Variants in GPC6 observed in about 807,000 individuals in gnomAD.
The protein encoded by GPC6 is glypican 6.
GPC6 carries 14 observed loss-of-function variants against 55.2 expected under a neutral mutation model. The observed-to-expected ratio is 0.25, with a 90% confidence interval of 0.17 to 0.40. The LOEUF is 0.40. Among genes scored for constraint, GPC6 ranks in the 10% least tolerant of loss-of-function variants. The pLI, the probability that GPC6 is intolerant of heterozygous loss-of-function variation, is 1.00. For missense variants in GPC6, 641 were observed against 708.5 expected (o/e 0.90, Z 1.08); for synonymous variants, 278 against 259.6 (o/e 1.07, Z -0.68).
At chr13:94,082,167 C>CA (rs1885124381) in intron 4 of GPC6, among the ~76,000 whole-genome samples, 1 of 151,934 alleles carries the variant, frequency 6.6e-6, no homozygotes, top group African/African-American at 2.4e-5. Flanking sequence ...AATTCTCTTA[C>CA]AAAAAAAGAT....
At chr13:93,355,682 T>C (rs1304804105) in intron 1 of GPC6, among the ~76,000 whole-genome samples, 1 of 152,300 alleles carries the variant, frequency 6.6e-6, no homozygotes, top group South Asian at 2.1e-4. Flanking sequence ...ACTAGAACTA[T>C]GCTGTAAGAA....
At chr13:93,694,703 T>G (rs1422854417) in intron 2 of GPC6, among the ~76,000 whole-genome samples, 2 of 152,150 alleles carry the variant, frequency 1.3e-5, no homozygotes, top group African/African-American at 4.8e-5. Context: ...ACAACTTTAT[T>G]GAAAACAAGG....
At chr13:93,789,723 A>G (rs1450781431) in intron 2 of GPC6, among the ~76,000 whole-genome samples, 1 of 147,372 alleles carries the variant, frequency 6.8e-6, no homozygotes, top group Non-Finnish European at 1.5e-5. Context: ...ATGGGCTTCA[A>G]ATGAAGTGGA....
At chr13:94,015,471 T>C (rs1329831850) in intron 3 of GPC6, among the ~76,000 whole-genome samples, 1 of 152,182 alleles carries the variant, frequency 6.6e-6, no homozygotes, top group African/African-American at 2.4e-5. Context: ...CTATTGGTTA[T>C]CATGTTACTT....
intron 3 of GPC6, among the ~76,000 whole-genome samples, chr13:93,973,124 G>A (rs1372886019): frequency 3.9e-5 from 6 of 152,114 alleles, no homozygotes; most frequent in African/African-American, 7.2e-5. Context: ...TGTAAACATC[G>A]TAGAGTGTAT....
In GPC6 at chr13:93,227,350, C is replaced by T. The variant is rs1875825826; in HGVS notation, c.-107C>T. The T allele has an allele frequency of 1.8e-6, 2 of 1,112,260 alleles. No individual in the cohort carries two copies. Among genetic ancestry groups the T allele is most frequent in the Non-Finnish European group, 2.6e-6 (2 of 760,888 alleles). The allele number at this position is 1,112,260 out of a possible 1,614,324, so 68.9% of individuals were successfully genotyped here. A position where few individuals can be genotyped will look rare whatever the true frequency, so the allele number is the denominator to read the frequency against. ...GCTGGCAGAAGGGGGTGACGCTGGG[C>T]AGCGGCGAGGAGCGCGCCGCTGCCT... On this transcript the variant is annotated 5_prime_UTR_variant, in exon 1 of 9. Coordinates refer to ENST00000377047, the MANE Select transcript of GPC6 (RefSeq NM_005708.5). This position sits in a 1 kb window ranked among gnomAD's most constrained non-coding sequence, Gnocchi z 4.3.
intron 2 of GPC6, among the ~76,000 whole-genome samples, chr13:93,779,909 A>T (rs865898003): frequency 6.6e-6 from 1 of 152,186 alleles, no homozygotes; most frequent in Non-Finnish European, 1.5e-5. Context: ...ACCCCCTGGG[A>T]CTGGAAGATG....
In GPC6 at chr13:93,360,997, C is replaced by G. The variant is rs143952235; in HGVS notation, c.160+133381C>G. Among the ~76,000 whole-genome samples the G allele has an allele frequency of 5.9e-3, 902 of 152,184 alleles. 14 individuals are homozygous for G. Among genetic ancestry groups the G allele is most frequent in the African/African-American group, 0.02 (843 of 41,522 alleles). On this transcript the variant is annotated intron_variant, in intron 1 of 8. Coordinates refer to ENST00000377047, the MANE Select transcript of GPC6 (RefSeq NM_005708.5). The stretch of plus-strand genomic sequence containing the variant: ...TGATTCTGTCCTCTGGAATCTTACT[C>G]GCTTTTTTTGTTTTTCAAATCTGCA...
rs192877474 is a variant in GPC6 at position 93,827,663 on chromosome 13, C to T, written c.320-2491C>T. ...TGAAGTTAATAGAAAACTTTTGAGA[C>T]AATGGCATACTCTTAGACAACAATG... On this transcript the variant is annotated intron_variant, in intron 2 of 8. Coordinates refer to ENST00000377047, the MANE Select transcript of GPC6 (RefSeq NM_005708.5). Among the ~76,000 whole-genome samples, 14 of 152,198 alleles carry T rather than the reference C, an allele frequency of 9.2e-5. No individual in the cohort carries two copies. In the East Asian group the frequency reaches 1.9e-3, roughly 21 times the overall value.
At chr13:93,714,231 A>T (rs895325288) in intron 2 of GPC6, among the ~76,000 whole-genome samples, 1 of 152,034 alleles carries the variant, frequency 6.6e-6, no homozygotes, top group Admixed American at 6.6e-5. Flanking sequence ...GAACTTAAAC[A>T]ATTGAGCAAA....
intron 1 of GPC6, among the ~76,000 whole-genome samples, chr13:93,332,870 T>A (rs189875984): frequency 6.6e-6 from 1 of 152,322 alleles, no homozygotes; most frequent in Admixed American, 6.5e-5. Context: ...CATTTTGGTT[T>A]GATTTTTGTA....
intron 1 of GPC6, among the ~76,000 whole-genome samples, chr13:93,532,333 A>G (rs965591632): frequency 2.0e-5 from 3 of 151,918 alleles, no homozygotes; most frequent in Non-Finnish European, 4.4e-5. Flanking sequence ...GTGTAATGTG[A>G]GTGTGTGTGT....
At chr13:93,541,943 G>A (rs150214837) in intron 1 of GPC6, among the ~76,000 whole-genome samples, 2,001 of 152,088 alleles carry the variant, frequency 0.013, 37 homozygotes, top group African/African-American at 0.04. Flanking sequence ...AGATGAGTAG[G>A]TTGCGAAAAT....
intron 2 of GPC6, among the ~76,000 whole-genome samples, chr13:93,667,897 A>C (rs1366258440): frequency 6.6e-6 from 1 of 152,128 alleles, no homozygotes; most frequent in Non-Finnish European, 1.5e-5. Flanking sequence ...GACTTGTATA[A>C]AATTGTAGCT....
chr13:94,046,450 A>G (rs1465501357), intron 4 of GPC6, among the ~76,000 whole-genome samples: 1 of 152,140 alleles, frequency 6.6e-6, no homozygotes, highest in East Asian at 1.9e-4. Context: ...CATGCCTCAG[A>G]GAGGAGAAAG....
intron 2 of GPC6, among the ~76,000 whole-genome samples, chr13:93,620,637 C>T (rs4418931): frequency 0.31 from 46,886 of 151,942 alleles, 7,748 homozygotes; most frequent in Non-Finnish European, 0.38. Flanking sequence ...TATTTGAAGC[C>T]GCTCTCTGGA....
chr13:94,230,077 G>A (rs1890673985), intron 4 of GPC6, among the ~76,000 whole-genome samples: 1 of 152,054 alleles, frequency 6.6e-6, no homozygotes, highest in African/African-American at 2.4e-5. Context: ...GACAATTTGG[G>A]GCAGATTATT....
At chr13:93,630,718 TAATA>T (rs1008587797) in intron 2 of GPC6, among the ~76,000 whole-genome samples, 1 of 152,310 alleles carries the variant, frequency 6.6e-6, no homozygotes, top group East Asian at 1.9e-4. Context: ...AAATGTATTA[TAATA>T]AATAAAATAC....
chr13:93,683,523 G>A (rs1881933820), intron 2 of GPC6, among the ~76,000 whole-genome samples: 1 of 152,092 alleles, frequency 6.6e-6, no homozygotes, highest in African/African-American at 2.4e-5. Flanking sequence ...GATTAAAACA[G>A]TACGTTAGCC....
Sources: gnomAD v4.1 joint callset for allele counts (sites outside exome capture counted in the v4.1 genomes callset) on GRCh38, gnomAD v4.1.1 for gene constraint, Gnocchi (gnomAD v3.1) non-coding constraint, MANE v1.5 for transcripts, NCBI Gene and HGNC (gene_info 2026-07-23, HGNC 2026-07-21) for gene names.